HMCN1: variants seen among roughly 807,000 people sequenced by gnomAD.
HMCN1 encodes hemicentin-1.
HMCN1 carries 321 observed loss-of-function variants against 625.9 expected under a neutral mutation model. That is an observed-to-expected ratio of 0.51 (90% CI 0.47 to 0.56). The LOEUF is 0.56. Among genes scored for constraint, HMCN1 ranks in the 20% least tolerant of loss-of-function variants. HMCN1 has a pLI of 0.00. For missense variants in HMCN1, 6,588 were observed against 6,887.3 expected (o/e 0.96, Z 1.54); for synonymous variants, 2,425 against 2,417.6 (o/e 1.00, Z -0.09).
chr1:186,065,576 C>T (rs1283968175), intron 49 of HMCN1, 147 bp downstream of exon 49: 5 of 574,698 alleles, frequency 8.7e-6, no homozygotes, highest in Admixed American at 3.5e-5. Flanking sequence ...ACTATTTTTC[C>T]TGAATTAATT....
chr1:185,938,886 GACA>G (rs1190494325), intron 11 of HMCN1, among the ~76,000 whole-genome samples: 1 of 151,840 alleles, frequency 6.6e-6, no homozygotes, highest in African/African-American at 2.4e-5. Context: ...AATTCCAACT[GACA>G]CAATAATAAG....
Position 186,152,854 on chromosome 1 carries a change from G to A in HMCN1, c.15001G>A (p.Ala5001Thr). The A allele has an allele frequency of 3.7e-6, 6 of 1,613,866 alleles. No individual in the cohort carries two copies. Among genetic ancestry groups the A allele is most frequent in the Non-Finnish European group, 5.1e-6 (6 of 1,179,790 alleles). Residue 5001 changes from alanine to threonine, a missense_variant, in exon 96 of 107, where the codon GCT (alanine) becomes ACT (threonine). By Grantham distance (58) the Ala-to-Thr change is moderately conservative. Transcript: ENST00000271588. ...CTATGTCCTACAGCTTCAGTCACCT[G>A]CTGAAGTCACTGTAAAGGTAAAATG... ...SGYVLQLQSP[A>T]EVTVKDYTED... is the part of the protein sequence containing the mutation.
chr1:186,140,189 T>A (rs1178882083), intron 89 of HMCN1, among the ~76,000 whole-genome samples: 1 of 152,178 alleles, frequency 6.6e-6, no homozygotes, highest in Non-Finnish European at 1.5e-5. Flanking sequence ...AGGCCATGTT[T>A]GGATTTTGCC....
intron 1 of HMCN1, among the ~76,000 whole-genome samples, chr1:185,754,339 A>C (rs1383106340): frequency 3.9e-5 from 6 of 152,206 alleles, no homozygotes; most frequent in South Asian, 2.1e-4. Context: ...TTCTTAAAAA[A>C]AGTCTTCAAT....
chr1:185,779,308 C>G (rs1232903411), intron 1 of HMCN1, among the ~76,000 whole-genome samples: 3 of 152,180 alleles, frequency 2.0e-5, no homozygotes, highest in Non-Finnish European at 4.4e-5. Flanking sequence ...CCTGTTCACT[C>G]TGATGGTAGT....
intron 21 of HMCN1, 21 bp from the exon 22 acceptor site, chr1:185,990,254 C>T (rs761106336): frequency 7.5e-6 from 12 of 1,609,752 alleles, no homozygotes; most frequent in African/African-American, 6.7e-5. Context: ...GTTTCCCTTC[C>T]AAAACATGTG....
intron 19 of HMCN1, among the ~76,000 whole-genome samples, chr1:185,985,140 T>C (rs1470800114): frequency 6.6e-6 from 1 of 152,224 alleles, no homozygotes; most frequent in African/African-American, 2.4e-5. Flanking sequence ...TTTTCTTTTG[T>C]TATGTCTGCT....
Position 185,865,792 on chromosome 1 carries a change from A to G in HMCN1, c.550A>G (p.Lys184Glu). 6.2e-7 allele frequency: 1 copy of G among 1,612,600 alleles called. No homozygotes were observed. Among genetic ancestry groups the G allele is most frequent in the Non-Finnish European group, 8.5e-7 (1 of 1,179,076 alleles). ...DCDDRTHIGY[K>E]VYEEIASTSS... The stretch of plus-strand genomic sequence containing the variant: ...TGATGACAGGACCCATATTGGATAT[A>G]AAGTCTATGAAGAAATTGCCTCTAC... The change falls in exon 4 of 107, where the codon AAA becomes GAA. Residue 184 changes from lysine (K) to glutamate (E), a missense_variant. Coordinates refer to ENST00000271588, the MANE Select transcript of HMCN1 (RefSeq NM_031935.3).
intron 4 of HMCN1, among the ~76,000 whole-genome samples, chr1:185,867,416 T>G (rs1292863394): frequency 1.3e-5 from 2 of 152,158 alleles, no homozygotes; most frequent in African/African-American, 4.8e-5. Context: ...TACTTGAACC[T>G]AAAGAAGGAA....
At chr1:186,058,713 A>G (rs1453098478) in intron 46 of HMCN1, among the ~76,000 whole-genome samples, 5 of 152,014 alleles carry the variant, frequency 3.3e-5, no homozygotes, top group Non-Finnish European at 7.4e-5. Flanking sequence ...CTTGCTTAAA[A>G]TCAAGATGAG....
intron 1 of HMCN1, among the ~76,000 whole-genome samples, chr1:185,743,982 G>GTTTTTTTTTT (rs1214723950): frequency 1.1e-5 from 1 of 88,140 alleles, no homozygotes; most frequent in Non-Finnish European, 2.2e-5. Flanking sequence ...TTACTGTTTT[G>GTTTTTTTTTT]TTTTTTTTTT....
intron 97 of HMCN1, among the ~76,000 whole-genome samples, chr1:186,160,839 A>C (rs1651411559): frequency 6.6e-6 from 1 of 150,630 alleles, no homozygotes; most frequent in Admixed American, 6.6e-5. Context: ...CTTTACTTCC[A>C]AGTATGTGGT....
chr1:185,898,604 T>G (rs1012010989), intron 4 of HMCN1, among the ~76,000 whole-genome samples: 3 of 152,156 alleles, frequency 2.0e-5, no homozygotes, highest in African/African-American at 4.8e-5. Context: ...CACAGAATGC[T>G]TTTGTAGATC....
At chr1:186,037,888 A>T (rs1655940878) in intron 36 of HMCN1, 46 bp from the exon 37 acceptor site, 1 of 1,138,020 alleles carries the variant, frequency 8.8e-7, no homozygotes, top group African/African-American at 1.5e-5. Context: ...TTTCAGCTTA[A>T]ATATTCTACT....
chr1:186,168,755 A>C (rs1289012213), intron 100 of HMCN1, among the ~76,000 whole-genome samples: 1 of 152,148 alleles, frequency 6.6e-6, no homozygotes, highest in Non-Finnish European at 1.5e-5. Context: ...GAAGACTATA[A>C]GAAGGAAGGA....
chr1:185,873,207 A>G (rs1188636053), intron 4 of HMCN1, among the ~76,000 whole-genome samples: 3 of 152,214 alleles, frequency 2.0e-5, no homozygotes, highest in Non-Finnish European at 1.5e-5. Context: ...AGATAACTGA[A>G]TCAGTCAATT....
intron 104 of HMCN1, among the ~76,000 whole-genome samples, chr1:186,181,785 G>T (rs1652951735): frequency 6.6e-6 from 1 of 152,034 alleles, no homozygotes; most frequent in African/African-American, 2.4e-5. Context: ...TAGGAATATT[G>T]TATTTCAGGT....
At chr1:185,954,582 C>G (rs74134224) in intron 11 of HMCN1, among the ~76,000 whole-genome samples, 2,697 of 152,054 alleles carry the variant, frequency 0.018, 64 homozygotes, top group African/African-American at 0.061. Context: ...TTCCTTTTGA[C>G]CACAAATCCT....
chr1:185,834,396 C>G (rs1472616134), intron 1 of HMCN1, among the ~76,000 whole-genome samples: 1 of 152,132 alleles, frequency 6.6e-6, no homozygotes, highest in Non-Finnish European at 1.5e-5. Flanking sequence ...CACTTCCAAG[C>G]TACTCACATG....
Sources: gnomAD v4.1 joint callset for allele counts (sites outside exome capture counted in the v4.1 genomes callset) on GRCh38, gnomAD v4.1.1 for gene constraint, MANE v1.5 for transcripts, NCBI Gene and HGNC (gene_info 2026-07-23, HGNC 2026-07-21) for gene names.